SHOC1: variants seen among roughly 807,000 people sequenced by gnomAD.
SHOC1 encodes shortage in chiasmata 1, also known as protein shortage in chiasmata 1 ortholog.
Under a neutral mutation model 179.2 loss-of-function variants are expected in SHOC1, and 136 were observed. The ratio of observed to expected loss-of-function variants is 0.76; its 90% CI spans 0.66 to 0.87. The LOEUF (loss-of-function observed/expected upper bound fraction) is 0.87. Among genes scored for constraint, SHOC1 ranks in the 40% least tolerant of loss-of-function variants. SHOC1 has a pLI of 0.00. For synonymous variants in SHOC1, 489 were observed against 586.6 expected, an observed-to-expected ratio of 0.83 and a Z score of 2.41; for missense variants, 1,538 against 1,700.8, an observed-to-expected ratio of 0.90 and a Z score of 1.68.
intron 13 of SHOC1, among the ~76,000 whole-genome samples, chr9:111,725,460 C>T (rs898746016): frequency 2.0e-5 from 3 of 152,164 alleles, no homozygotes; most frequent in African/African-American, 7.2e-5. Context: ...GAGTTACCCA[C>T]CCAGTCCTAG....
rs752175794 is a variant in SHOC1, at chr9:111,758,169, A to C, written c.623T>G (p.Leu208Trp). 1.3e-6 allele frequency: 2 copies of C among 1,582,582 alleles called. No individual in the cohort carries two copies. The highest frequency in any genetic ancestry group is 1.4e-5 in the African/African-American group (1 of 73,736). Residue 208 changes from leucine to tryptophan, a missense_variant, in exon 7 of 28, where the codon TTG becomes TGG. Physicochemically the swap from Leu to Trp is moderately conservative, Grantham distance 61 (BLOSUM62 -2). Coordinates refer to ENST00000682961, the MANE Select transcript of SHOC1 (RefSeq NM_001378211.1). ...SRECFSLQET[L>W]EAFVKEDFCM... is the part of the protein sequence containing the mutation. Reference sequence around the variant, plus strand: ...AAAATCTTCTTTCACAAAAGCTTCCAAAGTTTCTTGAAGAGAGAAACATTC... The same window carrying C: ...AAAATCTTCTTTCACAAAAGCTTCCCAAGTTTCTTGAAGAGAGAAACATTC...
Position 111,697,654 on chromosome 9 carries a change from G to A in SHOC1, c.3183+2300C>T, listed in dbSNP as rs1406845672. On this transcript the variant is annotated intron_variant, in intron 24 of 27. Coordinates refer to ENST00000682961, the MANE Select transcript of SHOC1 (RefSeq NM_001378211.1). ...GTGAATAGTGCAGCAATAAACATAC[G>A]TGTGCATATGTCTTTATAGCAGCAT... Among the ~76,000 whole-genome samples the A allele has an allele frequency of 3.9e-5, 6 of 152,244 alleles. No homozygotes were observed. In the East Asian group the frequency reaches 9.6e-4, roughly 24 times the overall value.
chr9:111,780,951 A>G lies in SHOC1; in HGVS notation c.236T>C (p.Phe79Ser). The G allele has an allele frequency of 6.2e-7, 1 of 1,613,274 alleles. No homozygotes were observed. Among genetic ancestry groups the G allele is most frequent in the Non-Finnish European group, 8.5e-7 (1 of 1,179,488 alleles). The change falls in exon 4 of 28, where the codon TTT becomes TCT. Residue 79 changes from phenylalanine to serine, a missense_variant. Phe to Ser is a radical substitution (Grantham distance 155). Transcript: ENST00000682961. ...ATACTTCTCAAGGAAATCCTCCACA[A>G]AGAAACTTGCTTTCCATTGGTCCAA... Reference protein sequence around the residue: ...SVLDQWKASFFVEDFLEKKTI... With the variant: ...SVLDQWKASFSVEDFLEKKTI...
At chr9:111,794,446 T>C (rs1256671900) in intron 1 of SHOC1, among the ~76,000 whole-genome samples, 3 of 151,720 alleles carry the variant, frequency 2.0e-5, no homozygotes, top group Admixed American at 2.0e-4. Context: ...TAGCCAGACG[T>C]GGTGGAGGAC....
At chr9:111,794,099 G>A (rs1268582961) in intron 1 of SHOC1, among the ~76,000 whole-genome samples, 12 of 151,190 alleles carry the variant, frequency 7.9e-5, no homozygotes, top group African/African-American at 2.9e-4. Flanking sequence ...CAATCCTCTC[G>A]CCTCAGCCTC....
intron 24 of SHOC1, among the ~76,000 whole-genome samples, chr9:111,696,444 G>A (rs1386584539): frequency 6.6e-6 from 1 of 152,134 alleles, no homozygotes; most frequent in Non-Finnish European, 1.5e-5. Flanking sequence ...AAAACAGGAG[G>A]CTTATGAGTA....
chr9:111,720,352 T>C (rs1004734758), intron 15 of SHOC1, among the ~76,000 whole-genome samples: 57 of 152,380 alleles, frequency 3.7e-4, no homozygotes, highest in African/African-American at 1.3e-3. Flanking sequence ...GTTTCCTGCA[T>C]GTGGCATGTC....
chr9:111,712,188 T>C (rs1832582202), intron 18 of SHOC1, among the ~76,000 whole-genome samples: 1 of 152,142 alleles, frequency 6.6e-6, no homozygotes, highest in Non-Finnish European at 1.5e-5. Flanking sequence ...TGGAGGCCAG[T>C]GAAACTATAA....
At chr9:111,753,848 T>G (rs1834724650) in intron 8 of SHOC1, among the ~76,000 whole-genome samples, 2 of 152,148 alleles carry the variant, frequency 1.3e-5, no homozygotes, top group Non-Finnish European at 2.9e-5. Flanking sequence ...AAAGCCGAAC[T>G]TATAGAAACA....
chr9:111,687,910 T>C (rs1378478929), intron 27 of SHOC1, among the ~76,000 whole-genome samples: 2 of 152,150 alleles, frequency 1.3e-5, no homozygotes, highest in Non-Finnish European at 2.9e-5. Flanking sequence ...AGGTTATGTG[T>C]TTAGGAATCT....
chr9:111,789,651 G>GA (rs1057249931), intron 2 of SHOC1, among the ~76,000 whole-genome samples: 2 of 152,032 alleles, frequency 1.3e-5, no homozygotes, highest in African/African-American at 4.8e-5. Context: ...TCATGAACTT[G>GA]ACCAAGTCCT....
chr9:111,775,247 G>A (rs1057385851), intron 5 of SHOC1, among the ~76,000 whole-genome samples: 1 of 151,964 alleles, frequency 6.6e-6, no homozygotes, highest in Non-Finnish European at 1.5e-5. Context: ...TACCCACCTT[G>A]GCCTCCCGAA....
At chr9:111,719,867 G>C (rs1832958305) in intron 15 of SHOC1, among the ~76,000 whole-genome samples, 1 of 152,160 alleles carries the variant, frequency 6.6e-6, no homozygotes, top group South Asian at 2.1e-4. Flanking sequence ...GTAAAAGAGA[G>C]TTAACCTTTA....
chr9:111,742,620 T>A (rs1290593777), intron 10 of SHOC1, among the ~76,000 whole-genome samples: 1 of 152,202 alleles, frequency 6.6e-6, no homozygotes. Context: ...CCAAGCTCCC[T>A]GCTACCCTGA....
At chr9:111,693,610 T>TA (rs961189202) in intron 26 of SHOC1, among the ~76,000 whole-genome samples, 189 bp downstream of exon 26, 1 of 151,616 alleles carries the variant, frequency 6.6e-6, no homozygotes, top group Non-Finnish European at 1.5e-5. Context: ...AAAAATAAAA[T>TA]AAAATGTATA....
chr9:111,794,556 C>T (rs1589487415), intron 1 of SHOC1, among the ~76,000 whole-genome samples: 1 of 152,276 alleles, frequency 6.6e-6, no homozygotes, highest in Admixed American at 6.5e-5. Context: ...TGCACGCCAG[C>T]CTGGGCAACA....
Position 111,693,822 on chromosome 9 carries a change from C to G in SHOC1, c.3442G>C (p.Glu1148Gln), listed in dbSNP as rs564781720. The G allele has an allele frequency of 1.2e-5, 19 of 1,608,234 alleles. No individual in the cohort carries two copies. The Admixed American group carries it at 3.2e-4, about 27-fold the overall frequency. The change falls in exon 26 of 28, where the codon GAA (glutamate) becomes CAA (glutamine). Residue 1148 changes from glutamate (E) to glutamine (Q), a missense_variant. Physicochemically the swap from Glu to Gln is conservative, Grantham distance 29 (BLOSUM62 2). Coordinates refer to ENST00000682961, the MANE Select transcript of SHOC1 (RefSeq NM_001378211.1). Reference protein sequence around the residue: ...TLCQLQELLPEVPEKVLKHFC... With the variant: ...TLCQLQELLPQVPEKVLKHFC... ...ACCTTTAACACTTTTTCTGGGACTTCAGGTAGGAGTTCCTGAAGTTGACAC... is the reference window on the plus strand; with the variant it reads ...ACCTTTAACACTTTTTCTGGGACTTGAGGTAGGAGTTCCTGAAGTTGACAC...
intron 8 of SHOC1, among the ~76,000 whole-genome samples, chr9:111,748,760 C>CCTT (rs34942063): frequency 0.7 from 81,966 of 117,280 alleles, 26,071 homozygotes; most frequent in East Asian, 0.9. Flanking sequence ...TTCCTTCCTT[C>CCTT]CTTTCCTTCC....
chr9:111,714,679 C>T lies in SHOC1; in HGVS notation c.2237-56G>A, dbSNP rs570868061. On this transcript the variant is annotated intron_variant, in intron 16 of 27. Coordinates refer to ENST00000682961, the MANE Select transcript of SHOC1 (RefSeq NM_001378211.1). ...TAAGTATTTGTTTTTTAAGAAACTC[C>T]GTGGTAAAAAAGGCTTAAAGAAAAT... The T allele has an allele frequency of 3.1e-5, 45 of 1,455,586 alleles. No homozygotes were observed. The African/African-American group carries it at 4.0e-4, about 13-fold the overall frequency. The allele number at this position is 1,455,586 out of a possible 1,614,324, so 90.2% of individuals were successfully genotyped here.
Sources: gnomAD v4.1 joint callset for allele counts (sites outside exome capture counted in the v4.1 genomes callset) on GRCh38, gnomAD v4.1.1 for gene constraint, MANE v1.5 for transcripts, NCBI Gene and HGNC (gene_info 2026-07-23, HGNC 2026-07-21) for gene names.